MAP2K5: variants seen among roughly 807,000 people sequenced by gnomAD.
The protein encoded by MAP2K5 is dual specificity mitogen-activated protein kinase kinase 5.
A neutral mutation model predicts 83.1 loss-of-function variants in MAP2K5; 49 were observed. That is an observed-to-expected ratio of 0.59 (90% CI 0.47 to 0.75). MAP2K5 has a LOEUF of 0.75. MAP2K5 is among the 30% of genes least tolerant of loss of function. The probability of loss-of-function intolerance (pLI) is 0.00; values close to 1 mark genes in which losing one functional copy is unlikely to be tolerated. For missense variants in MAP2K5, 457 were observed against 557.5 expected, an observed-to-expected ratio of 0.82 and a Z score of 1.82; for synonymous variants, 202 against 191.8, an observed-to-expected ratio of 1.05 and a Z score of -0.44.
Position 67,779,120 on chromosome 15 carries a change from G to C in MAP2K5, c.1242+6368G>C, listed in dbSNP as rs2090284473. On this transcript the variant is annotated intron_variant, in intron 21 of 21. Coordinates refer to ENST00000178640, the MANE Select transcript of MAP2K5 (RefSeq NM_145160.3). The surrounding 1 kb of genome is among the most constrained non-coding windows in gnomAD (Gnocchi z 4.6). Reference sequence around the variant, plus strand: ...ATTTGCAGTGAGAAATACTGGCTGGGATTGTAACTTCAGCTGAGTATTTCC... The same window carrying C: ...ATTTGCAGTGAGAAATACTGGCTGGCATTGTAACTTCAGCTGAGTATTTCC... Among the ~76,000 whole-genome samples, 1 of 152,194 alleles carries C rather than the reference G, an allele frequency of 6.6e-6. No individual in the cohort carries two copies. Among genetic ancestry groups the C allele is most frequent in the South Asian group, 2.1e-4 (1 of 4,832 alleles).
At chr15:67,645,965 G>A (rs1162932657) in intron 9 of MAP2K5, among the ~76,000 whole-genome samples, 2 of 152,100 alleles carry the variant, frequency 1.3e-5, no homozygotes, top group Non-Finnish European at 2.9e-5. Context: ...TAACTTAACT[G>A]ACTTTTAAAG....
At position 67,768,873 on chromosome 15, in the gene MAP2K5, A is replaced by G. The variant is rs2090091591; in HGVS notation, c.1135-729A>G. Among the ~76,000 whole-genome samples, 1 of 152,134 alleles carries G rather than the reference A, an allele frequency of 6.6e-6. No homozygotes were observed. Among genetic ancestry groups the G allele is most frequent in the South Asian group, 2.1e-4 (1 of 4,822 alleles). ...CTTAAAGCCTTCCTTTGCAAACGGT[A>G]ATGGGGTTTGCTCTTTGTATTATGT... On this transcript the variant is annotated intron_variant, in intron 19 of 21. Transcript: ENST00000178640. This position sits in a 1 kb window ranked among gnomAD's most constrained non-coding sequence, Gnocchi z 4.0.
intron 8 of MAP2K5, among the ~76,000 whole-genome samples, chr15:67,612,473 C>G (rs1018370984): frequency 2.6e-5 from 4 of 152,166 alleles, no homozygotes; most frequent in Non-Finnish European, 4.4e-5. Context: ...CAGAACATAG[C>G]TCCTCAACCT....
chr15:67,594,972 C>T (rs2085494452), intron 7 of MAP2K5, among the ~76,000 whole-genome samples: 2 of 152,158 alleles, frequency 1.3e-5, no homozygotes, highest in Non-Finnish European at 2.9e-5. Flanking sequence ...GGGCTGAACA[C>T]TGACACCACT....
intron 15 of MAP2K5, 25 bp downstream of exon 15, chr15:67,693,593 T>C (rs8034680): frequency 1 from 1,573,901 of 1,574,182 alleles, 786,811 homozygotes; most frequent in Non-Finnish European, 1. Flanking sequence ...GCAAAAATAA[T>C]GTTTAAAACC....
chr15:67,604,041 A>G (rs1047057829), intron 8 of MAP2K5, among the ~76,000 whole-genome samples: 4 of 152,254 alleles, frequency 2.6e-5, no homozygotes, highest in African/African-American at 9.6e-5. Context: ...ATAATCGTGT[A>G]ATTACAATGT....
At chr15:67,712,867 G>A (rs2088727843) in intron 16 of MAP2K5, among the ~76,000 whole-genome samples, 1 of 151,816 alleles carries the variant, frequency 6.6e-6, no homozygotes, top group Admixed American at 6.6e-5. Flanking sequence ...GCAGTGAGCT[G>A]AGATCATGCC....
At chr15:67,715,022 G>C (rs1040480029) in intron 16 of MAP2K5, among the ~76,000 whole-genome samples, 7 of 152,174 alleles carry the variant, frequency 4.6e-5, no homozygotes, top group Non-Finnish European at 1.0e-4. Context: ...GAAAGGATCT[G>C]AAGGGCCCAA....
chr15:67,693,123 C>T (rs1009986955), intron 14 of MAP2K5, among the ~76,000 whole-genome samples: 3 of 152,160 alleles, frequency 2.0e-5, no homozygotes, highest in Admixed American at 6.5e-5. Context: ...ATCCCTCCAG[C>T]GTATTTAGTG....
rs1298380322 is a variant in MAP2K5, at chr15:67,793,735, G to C, written c.1243-12911G>C. 6.6e-6 allele frequency among the ~76,000 whole-genome samples: 1 copy of C among 152,194 alleles called. No homozygotes were observed. Among genetic ancestry groups the C allele is most frequent in the African/African-American group, 2.4e-5 (1 of 41,454 alleles). On this transcript the variant is annotated intron_variant, in intron 21 of 21. Transcript: ENST00000178640. The surrounding 1 kb of genome is among the most constrained non-coding windows in gnomAD (Gnocchi z 4.6). ...AGATTTGGAAACTGGCCATTTCACT[G>C]TATAGAAAATATACTCTTTGATCAC...
intron 1 of MAP2K5, among the ~76,000 whole-genome samples, 156 bp from the exon 2 acceptor site, chr15:67,549,878 G>A (rs538820537): frequency 1.4e-4 from 21 of 152,292 alleles, no homozygotes; most frequent in Admixed American, 8.5e-4. Context: ...CTGGGTTTAC[G>A]TTGCTGGGCT....
At chr15:67,696,208 A>G (rs149510664) in intron 15 of MAP2K5, among the ~76,000 whole-genome samples, 16 of 149,448 alleles carry the variant, frequency 1.1e-4, no homozygotes, top group Middle Eastern at 7.1e-3. Context: ...CATGAGCCCT[A>G]TGCCAAATAT....
At chr15:67,601,698 T>A (rs2085662097) in intron 8 of MAP2K5, among the ~76,000 whole-genome samples, 1 of 152,218 alleles carries the variant, frequency 6.6e-6, no homozygotes, top group Admixed American at 6.5e-5. Flanking sequence ...ACCACATGAA[T>A]ACACATAAAA....
At chr15:67,554,721 G>A (rs961069622) in intron 2 of MAP2K5, among the ~76,000 whole-genome samples, 18 of 152,124 alleles carry the variant, frequency 1.2e-4, no homozygotes, top group African/African-American at 3.9e-4. Context: ...CTTAGTGATA[G>A]GTACGATGTT....
chr15:67,563,578 T>C lies in MAP2K5; in HGVS notation c.252+228T>C, dbSNP rs944718580. Among the ~76,000 whole-genome samples the C allele has an allele frequency of 2.0e-5, 3 of 152,218 alleles. No homozygotes were observed. Among genetic ancestry groups the C allele is most frequent in the African/African-American group, 7.2e-5 (3 of 41,464 alleles). On this transcript the variant is annotated intron_variant, in intron 3 of 21. Coordinates refer to ENST00000178640, the MANE Select transcript of MAP2K5 (RefSeq NM_145160.3). The surrounding 1 kb of genome is among the most constrained non-coding windows in gnomAD (Gnocchi z 4.5). ...TAAGAATAATGCATCTTAATGACTT[T>C]TGCATTAGGTATGATGCAGACTAAA...
rs987907285 is a variant in MAP2K5, at chr15:67,555,791, T to C, written c.184+5709T>C. On this transcript the variant is annotated intron_variant, in intron 2 of 21. Coordinates refer to ENST00000178640, the MANE Select transcript of MAP2K5 (RefSeq NM_145160.3). This position sits in a 1 kb window ranked among gnomAD's most constrained non-coding sequence, Gnocchi z 5.2. Reference sequence around the variant, plus strand: ...ATTTGGCTATTTGTATTTAATTTCCTTTTTTTTTTTGAGACGCAGTCTCAC... The same window carrying C: ...ATTTGGCTATTTGTATTTAATTTCCCTTTTTTTTTTGAGACGCAGTCTCAC... Among the ~76,000 whole-genome samples the C allele has an allele frequency of 3.2e-5, 1 of 30,966 alleles. No homozygotes were observed. The highest frequency in any genetic ancestry group is 1.1e-4 in the African/African-American group (1 of 8,720). The allele number at this position is 30,966 out of a possible 152,430, so 20.3% of individuals were successfully genotyped here.
At chr15:67,613,309 A>T (rs1192168199) in intron 8 of MAP2K5, among the ~76,000 whole-genome samples, 1 of 152,228 alleles carries the variant, frequency 6.6e-6, no homozygotes, top group Non-Finnish European at 1.5e-5. Flanking sequence ...TATTCCTAAG[A>T]CAATTCAAAA....
chr15:67,802,467 G>T lies in MAP2K5; in HGVS notation c.1243-4179G>T, dbSNP rs1006865157. The stretch of plus-strand genomic sequence containing the variant: ...GCAGCCCTGTTCTTTTCCCTTCATT[G>T]TGTCTCCAACTTCTGTGGCAAAGTC... On this transcript the variant is annotated intron_variant, in intron 21 of 21. Coordinates refer to ENST00000178640, the MANE Select transcript of MAP2K5 (RefSeq NM_145160.3). This position sits in a 1 kb window ranked among gnomAD's most constrained non-coding sequence, Gnocchi z 5.0. 7.9e-5 allele frequency among the ~76,000 whole-genome samples: 12 copies of T among 152,128 alleles called. No individual in the cohort carries two copies. The highest frequency in any genetic ancestry group is 2.7e-4 in the African/African-American group (11 of 41,418).
In MAP2K5 at chr15:67,549,884, G is replaced by A. The variant is rs184103247; in HGVS notation, c.136-150G>A. 64 of 607,060 alleles carry A rather than the reference G, an allele frequency of 1.1e-4. No individual in the cohort carries two copies. In the Admixed American group the frequency reaches 1.5e-3, roughly 14 times the overall value. 37.6% of individuals were successfully genotyped at this position (607,060 alleles called of 1,614,324 possible). A position where few individuals can be genotyped will look rare whatever the true frequency, so the allele number is the denominator to read the frequency against. On this transcript the variant is annotated intron_variant, in intron 1 of 21. Coordinates refer to ENST00000178640, the MANE Select transcript of MAP2K5 (RefSeq NM_145160.3). ...CTTTAAACTCTGGGTTTACGTTGCTGGGCTAAGTGTGATTATGAGCTAATG... is the reference window on the plus strand; with the variant it reads ...CTTTAAACTCTGGGTTTACGTTGCTAGGCTAAGTGTGATTATGAGCTAATG...
Sources: gnomAD v4.1 joint callset for allele counts (sites outside exome capture counted in the v4.1 genomes callset) on GRCh38, gnomAD v4.1.1 for gene constraint, Gnocchi (gnomAD v3.1) non-coding constraint, MANE v1.5 for transcripts, NCBI Gene and HGNC (gene_info 2026-07-23, HGNC 2026-07-21) for gene names.